The following EIF2D variants were observed in gnomAD, a reference collection of about 807,000 sequenced individuals.
EIF2D encodes the protein eukaryotic translation initiation factor 2D, also known as hepatocellular carcinoma-associated antigen 56.
A neutral mutation model predicts 77.4 loss-of-function variants in EIF2D; 56 were observed. The observed-to-expected ratio is 0.72, with a 90% CI of 0.58 to 0.90. EIF2D has a LOEUF of 0.90. Among genes scored for constraint, EIF2D ranks in the 40% least tolerant of loss-of-function variants. The pLI, the probability that EIF2D is intolerant of heterozygous loss-of-function variation, is 0.00. For missense variants in EIF2D, 574 were observed against 706.5 expected (o/e 0.81, Z 2.13); for synonymous variants, 230 against 271.0 (o/e 0.85, Z 1.49).
In EIF2D at chr1:206,592,065, C is replaced by G. The variant is rs977543273; in HGVS notation, c.1685-220G>C. On this transcript the variant is annotated intron_variant, in intron 14 of 14. Transcript: ENST00000271764. The surrounding 1 kb of genome is among the most constrained non-coding windows in gnomAD (Gnocchi z 4.7). ...GTATTTCAGGCATTTATAATTTTTT[C>G]ACGAGAGAGAATGTGTCTGTTCAGT... Among the ~76,000 whole-genome samples the G allele has an allele frequency of 1.3e-5, 2 of 152,198 alleles. No homozygotes were observed. Among genetic ancestry groups the G allele is most frequent in the African/African-American group, 2.4e-5 (1 of 41,428 alleles).
At chr1:206,611,500 T>C in intron 1 of EIF2D, 126 bp from the exon 2 acceptor site, 5 of 699,704 alleles carry the variant, frequency 7.1e-6, no homozygotes, top group South Asian at 6.0e-5. Context: ...GTTTATGATG[T>C]CCTAGTCTCA....
At chr1:206,610,018 G>C (rs1440559927) in intron 2 of EIF2D, among the ~76,000 whole-genome samples, 3 of 152,104 alleles carry the variant, frequency 2.0e-5, no homozygotes, top group African/African-American at 7.2e-5. Context: ...CTATGGAAAA[G>C]AGAAAAGGAG....
Position 206,597,056 on chromosome 1 carries a change from C to G in EIF2D, c.1388+44G>C, listed in dbSNP as rs367707212. 28 of 1,428,248 alleles carry G rather than the reference C, an allele frequency of 2.0e-5. No individual in the cohort carries two copies. In the African/African-American group the frequency reaches 3.1e-4, roughly 16 times the overall value. 88.5% of individuals were successfully genotyped at this position (1,428,248 alleles called of 1,614,324 possible). On this transcript the variant is annotated intron_variant, in intron 12 of 14. Coordinates refer to ENST00000271764, the MANE Select transcript of EIF2D (RefSeq NM_006893.3). The stretch of plus-strand genomic sequence containing the variant: ...AAGTTCAATGTGATCAACATTAAGG[C>G]GAGGGGATAGAAAAGTTGGAGAGGG...
chr1:206,582,920 A>G (rs1413565021), intron 2 of EIF2D, among the ~76,000 whole-genome samples: 1 of 152,210 alleles, frequency 6.6e-6, no homozygotes, highest in Non-Finnish European at 1.5e-5. Context: ...GCTTTCCATA[A>G]GCAAATGCGG....
intron 3 of EIF2D, 94 bp from the exon 4 acceptor site, chr1:206,608,420 A>G: frequency 1.0e-6 from 1 of 977,384 alleles, no homozygotes; most frequent in Non-Finnish European, 1.5e-6. Flanking sequence ...ACAAAAAAAT[A>G]GTTACTAGGT....
Position 206,608,324 on chromosome 1 carries a change from A to G in EIF2D, c.334T>C (p.Leu112=), listed in dbSNP as rs1670301192. 3.7e-6 allele frequency: 6 copies of G among 1,609,114 alleles called. No individual in the cohort carries two copies. In the South Asian group the frequency reaches 6.6e-5, roughly 18 times the overall value. The change falls in exon 4 of 15, where the codon TTG becomes CTG. Residue 112 remains leucine (L), a splice_region_variant and synonymous_variant. Coordinates refer to ENST00000271764, the MANE Select transcript of EIF2D (RefSeq NM_006893.3). The part of the protein sequence containing the change: ...VLEKLVGGAD[L]MLPGLVMPPA... The stretch of plus-strand genomic sequence containing the variant: ...GGCATCACCAGTCCAGGCAGCATCA[A>G]ATCTGCAATGAACAAAAAAAATCAC...
intron 14 of EIF2D, among the ~76,000 whole-genome samples, chr1:206,593,273 A>G (rs1441580190): frequency 6.6e-6 from 1 of 152,072 alleles, no homozygotes; most frequent in Non-Finnish European, 1.5e-5. Flanking sequence ...TGATTAAGAG[A>G]GATGCCTGCA....
intron 2 of EIF2D, 58 bp downstream of exon 2, chr1:206,611,126 G>A (rs1670473412): frequency 6.8e-7 from 1 of 1,471,932 alleles, no homozygotes; most frequent in Non-Finnish European, 9.3e-7. Flanking sequence ...ACAGAGAGAA[G>A]CAGATGTTAG....
chr1:206,608,711 C>T (rs930156008), intron 3 of EIF2D, among the ~76,000 whole-genome samples: 13 of 152,174 alleles, frequency 8.5e-5, no homozygotes, highest in African/African-American at 3.1e-4. Flanking sequence ...AAGTGGGAAC[C>T]TTGACTTCCA....
At chr1:206,609,801 A>G (rs545423602) in intron 2 of EIF2D, among the ~76,000 whole-genome samples, 1 of 152,324 alleles carries the variant, frequency 6.6e-6, no homozygotes, top group East Asian at 1.9e-4. Context: ...TAAAATTTGG[A>G]AACTTTCCCA....
intron 3 of EIF2D, among the ~76,000 whole-genome samples, chr1:206,608,847 T>C (rs1387999038): frequency 2.6e-5 from 4 of 152,160 alleles, no homozygotes; most frequent in African/African-American, 9.7e-5. Flanking sequence ...AGGTCAGAAG[T>C]TCGAGACCAG....
At chr1:206,607,443 C>T (rs972622328) in intron 4 of EIF2D, among the ~76,000 whole-genome samples, 18 of 152,098 alleles carry the variant, frequency 1.2e-4, no homozygotes, top group Non-Finnish European at 2.4e-4. Flanking sequence ...GCTGTTCATA[C>T]AATTACTTCT....
chr1:206,600,301 C>T lies in EIF2D; in HGVS notation c.910G>A (p.Gly304Arg), dbSNP rs782220875. Residue 304 changes from glycine to arginine, a missense_variant, in exon 8 of 15, where the codon GGA becomes AGA. By Grantham distance (125) the Gly-to-Arg change is moderately radical (BLOSUM62 -2). Transcript: ENST00000271764. ...GACTTCTTTATGTCCAGTTGTCGTC[C>T]TTCGGGGCTGATGGCAGATGGAAAA... ...GSHMFSCCPE[G>R]RQLDIKKSSY... 10 of 1,613,828 alleles carry T rather than the reference C, an allele frequency of 6.2e-6. No individual in the cohort carries two copies. Among genetic ancestry groups the T allele is most frequent in the South Asian group, 5.5e-5 (5 of 91,068 alleles).
Position 206,579,636 on chromosome 1 carries a change from G to C in EIF2D, c.*254+1056C>G, listed in dbSNP as rs1301374682. Among the ~76,000 whole-genome samples, 2 of 152,018 alleles carry C rather than the reference G, an allele frequency of 1.3e-5. No homozygotes were observed. Among genetic ancestry groups the C allele is most frequent in the Admixed American group, 1.3e-4 (2 of 15,272 alleles). Reference sequence around the variant, plus strand: ...TCTATTTCAGTTCTTTTCGAATGTTGCTGCGAATTAAAATCAACTAGGAGA... The same window carrying C: ...TCTATTTCAGTTCTTTTCGAATGTTCCTGCGAATTAAAATCAACTAGGAGA... On this transcript the variant is annotated intron_variant and NMD_transcript_variant, in intron 4 of 5. Transcript: ENST00000472709. The surrounding 1 kb of genome is among the most constrained non-coding windows in gnomAD (Gnocchi z 4.2).
rs41305110 is a variant in EIF2D, at chr1:206,583,062, A to G, written c.139-1900T>C. On this transcript the variant is annotated intron_variant and NMD_transcript_variant, in intron 2 of 5. Coordinates refer to the EIF2D transcript ENST00000472709. ...GGAGACTGAGGCTTAGAGAAATCTG[A>G]GTTACTTCTCCAGGAGGGCTGGCTA... 3.3e-3 allele frequency: 1,673 copies of G among 510,662 alleles called. 3 individuals carry two copies. Among genetic ancestry groups the G allele is most frequent in the Admixed American group, 6.1e-3 (187 of 30,720 alleles). The allele number at this position is 510,662 out of a possible 1,614,324, so 31.6% of individuals were successfully genotyped here.
chr1:206,569,898 T>C (rs1171431107), downstream of EIF2D, among the ~76,000 whole-genome samples: 1 of 152,132 alleles, frequency 6.6e-6, no homozygotes, highest in African/African-American at 2.4e-5. Flanking sequence ...TTGGAGGGCT[T>C]GGCGTGATGG....
chr1:206,576,316 G>A (rs1553405191), intron 4 of EIF2D, among the ~76,000 whole-genome samples: 1 of 152,216 alleles, frequency 6.6e-6, no homozygotes, highest in Non-Finnish European at 1.5e-5. Flanking sequence ...CTGAGGCTTT[G>A]AGGCCATGGG....
chr1:206,587,000 C>T, downstream of EIF2D: 1 of 1,613,750 alleles, frequency 6.2e-7, no homozygotes, highest in Non-Finnish European at 8.5e-7. Flanking sequence ...TCCTCTCCTC[C>T]TGGTGCATTC....
downstream of EIF2D, among the ~76,000 whole-genome samples, chr1:206,569,573 C>T (rs565392647): frequency 8.5e-5 from 13 of 152,380 alleles, no homozygotes; most frequent in African/African-American, 2.2e-4. Context: ...TGCAGGGCCA[C>T]CTCAGTCTGC....
Sources: allele counts gnomAD v4.1 joint callset (sites outside exome capture counted in the v4.1 genomes callset), GRCh38; gene constraint gnomAD v4.1.1; non-coding constraint Gnocchi (gnomAD v3.1); transcripts MANE v1.5; gene names NCBI Gene and HGNC (gene_info 2026-07-23, HGNC 2026-07-21).